The following OR51A4 variants were observed in gnomAD, a reference collection of about 807,000 sequenced individuals.
The protein encoded by OR51A4 is olfactory receptor family 51 subfamily A member 4.
For synonymous variants in OR51A4, 96 were observed against 141.5 expected, an observed-to-expected ratio of 0.68 and a Z score of 2.28; for missense variants, 243 against 364.0, an observed-to-expected ratio of 0.67 and a Z score of 2.70.
In OR51A4 at chr11:4,946,498, G is replaced by T. The variant is rs1302895410; in HGVS notation, c.603C>A (p.Gly201=). Residue 201 remains glycine (G), a synonymous_variant, in exon 2 of 2, where the codon GGC becomes GGA. Transcript: ENST00000641898. Reference sequence around the variant, plus strand: ...CCATAAGGCAGAGTGCTCCAAAAAAGCCATAGATAACATCAATTCTGTTGT... The same window carrying T: ...CCATAAGGCAGAGTGCTCCAAAAAATCCATAGATAACATCAATTCTGTTGT... ...CSDNRIDVIY[G]FFGALCLMVD... is the part of the protein sequence containing the mutation. 6.2e-7 allele frequency: 1 copy of T among 1,610,440 alleles called. No homozygotes were observed. The highest frequency in any genetic ancestry group is 1.3e-5 in the African/African-American group (1 of 74,506).
chr11:4,946,657 T>C lies in OR51A4; in HGVS notation c.444A>G (p.Ile148Met). ...GGAGCATGCTCTTAAAGGAGAATAC[T>C]ATCCCTATTTGGGCAACTCTGACAG... The part of the protein sequence containing the change: ...LTTVRVAQIG[I>M]VFSFKSMLLV... The change falls in exon 2 of 2, where the codon ATA (isoleucine) becomes ATG (methionine). Residue 148 changes from isoleucine to methionine, a missense_variant. Physicochemically the swap from Ile to Met is conservative, Grantham distance 10. Coordinates refer to ENST00000641898, the MANE Select transcript of OR51A4 (RefSeq NM_001005329.2). The C allele has an allele frequency of 1.3e-6, 2 of 1,591,454 alleles. No individual in the cohort carries two copies. Among genetic ancestry groups the C allele is most frequent in the South Asian group, 1.1e-5 (1 of 90,540 alleles).
rs1433168026 is a variant in OR51A4 at position 4,945,446 on chromosome 11, C to T, written c.*713G>A. On this transcript the variant is annotated 3_prime_UTR_variant, in exon 2 of 2. Transcript: ENST00000641898. ...GCCATGTAGGGTCTTAGAATATGTT[C>T]CTTATTGATTTAACTGTATTTCTAA... The T allele has an allele frequency of 2.0e-5, 3 of 152,512 alleles. No individual in the cohort carries two copies. Among genetic ancestry groups the T allele is most frequent in the African/African-American group, 7.2e-5 (3 of 41,400 alleles). The allele number at this position is 152,512 out of a possible 1,614,324, so 9.4% of individuals were successfully genotyped here. A position where few individuals can be genotyped will look rare whatever the true frequency, so the allele number is the denominator to read the frequency against.
chr11:4,946,685 G>A lies in OR51A4; in HGVS notation c.416C>T (p.Thr139Ile), dbSNP rs1346118868. 6.3e-7 allele frequency: 1 copy of A among 1,591,762 alleles called. No homozygotes were observed. The change falls in exon 2 of 2, where the codon ACA becomes ATA. Residue 139 changes from threonine to isoleucine, a missense_variant. By Grantham distance (89) the Thr-to-Ile change is moderately conservative. Transcript: ENST00000641898. Reference protein sequence around the residue: ...HNPLRYTSILTTVRVAQIGIV... With the variant: ...HNPLRYTSILITVRVAQIGIV... ...CCCTATTTGGGCAACTCTGACAGTTGTCAGGATTGAGGTGTATCTCAGAGG... is the reference window on the plus strand; with the variant it reads ...CCCTATTTGGGCAACTCTGACAGTTATCAGGATTGAGGTGTATCTCAGAGG...
rs1486054623 is a variant in OR51A4, at chr11:4,944,839, A to T, written c.*1320T>A. ...TGATATGCCTATATTTGAAATAGACAATTTAAAAAACTTGTATCCTACCTT... is the reference window on the plus strand; with the variant it reads ...TGATATGCCTATATTTGAAATAGACTATTTAAAAAACTTGTATCCTACCTT... On this transcript the variant is annotated 3_prime_UTR_variant, in exon 2 of 2. Transcript: ENST00000641898. The T allele has an allele frequency of 6.6e-6, 1 of 152,124 alleles. No homozygotes were observed. The highest frequency in any genetic ancestry group is 1.5e-5 in the Non-Finnish European group (1 of 67,990). 9.4% of individuals were successfully genotyped at this position (152,124 alleles called of 1,614,324 possible).
Position 4,943,397 on chromosome 11 carries a change from C to A in OR51A4, c.*2762G>T, listed in dbSNP as rs2595993. ...GAGGAACTTCTCTGGTATCAGATTG[C>A]CCCTAGGTGCTGTGTAGGTGAGCTC... On this transcript the variant is annotated 3_prime_UTR_variant, in exon 2 of 2. Coordinates refer to ENST00000641898, the MANE Select transcript of OR51A4 (RefSeq NM_001005329.2). 204,543 of 433,080 alleles carry A rather than the reference C, an allele frequency of 0.47. 49,570 individuals are homozygous for A. Among genetic ancestry groups the A allele is most frequent in the East Asian group, 0.57 (7,960 of 13,992 alleles). The allele number at this position is 433,080 out of a possible 1,614,324, so 26.8% of individuals were successfully genotyped here. A position where few individuals can be genotyped will look rare whatever the true frequency, so the allele number is the denominator to read the frequency against.
At position 4,944,994 on chromosome 11, in the gene OR51A4, A is replaced by G. The variant is rs1006562806; in HGVS notation, c.*1165T>C. The G allele has an allele frequency of 3.3e-5, 5 of 152,144 alleles. No individual in the cohort carries two copies. The highest frequency in any genetic ancestry group is 1.2e-4 in the African/African-American group (5 of 41,464). The allele number at this position is 152,144 out of a possible 1,614,324, so 9.4% of individuals were successfully genotyped here. On this transcript the variant is annotated 3_prime_UTR_variant, in exon 2 of 2. Transcript: ENST00000641898. ...AGAAGTGTCCTAGACATTAGGCAGG[A>G]AAAAATAAGAAAATAGATAGGTCTC...
In OR51A4 at chr11:4,945,029, T is replaced by C. The variant is rs561542538; in HGVS notation, c.*1130A>G. 1 of 152,146 alleles carries C rather than the reference T, an allele frequency of 6.6e-6. No homozygotes were observed. The highest frequency in any genetic ancestry group is 1.5e-5 in the Non-Finnish European group (1 of 67,990). 9.4% of individuals were successfully genotyped at this position (152,146 alleles called of 1,614,324 possible). On this transcript the variant is annotated 3_prime_UTR_variant, in exon 2 of 2. Coordinates refer to ENST00000641898, the MANE Select transcript of OR51A4 (RefSeq NM_001005329.2). ...AAAATAGATAGGTCTCTTCAATCAC[T>C]TATAGTACACTTTATTCAAGAAGAA...
chr11:4,946,380 T>C lies in OR51A4; in HGVS notation c.721A>G (p.Thr241Ala). 1 of 1,613,612 alleles carries C rather than the reference T, an allele frequency of 6.2e-7. No individual in the cohort carries two copies. Among genetic ancestry groups the C allele is most frequent in the Non-Finnish European group, 8.5e-7 (1 of 1,179,864 alleles). The change falls in exon 2 of 2, where the codon ACT (threonine) becomes GCT (alanine). Residue 241 changes from threonine (T) to alanine (A), a missense_variant. By Grantham distance (58) the Thr-to-Ala change is moderately conservative (BLOSUM62 0). Transcript: ENST00000641898. ...ACTGCACAGATGTGTGAAACACAAG[T>C]ATTGAGAGCCTTAAGCTGCTCCTTT... is the stretch of plus-strand genomic sequence containing the variant. ...SKKEQLKALN[T>A]CVSHICAVII...
At position 4,943,714 on chromosome 11, in the gene OR51A4, C is replaced by T. The variant is rs577032000; in HGVS notation, c.*2445G>A. 1.4e-5 allele frequency: 5 copies of T among 351,368 alleles called. No homozygotes were observed. The highest frequency in any genetic ancestry group is 1.1e-4 in the South Asian group (5 of 44,050). The allele number at this position is 351,368 out of a possible 1,614,324, so 21.8% of individuals were successfully genotyped here. ...GTTGAGAACCACTGTTTAAGGAGCC[C>T]CAGAGTTGAGATTTTAATCCTCCAA... On this transcript the variant is annotated 3_prime_UTR_variant, in exon 2 of 2. Transcript: ENST00000641898.
Position 4,943,608 on chromosome 11 carries a change from C to A in OR51A4, c.*2551G>T, listed in dbSNP as rs953568126. ...GCCTCTAATCAGTGGAAGTCAGTGA[C>A]ACACCCACACCCCCAGGTTGCAACA... On this transcript the variant is annotated 3_prime_UTR_variant, in exon 2 of 2. Transcript: ENST00000641898. The A allele has an allele frequency of 7.8e-6, 3 of 384,832 alleles. No homozygotes were observed. Among genetic ancestry groups the A allele is most frequent in the Non-Finnish European group, 1.0e-5 (2 of 192,598 alleles). The allele number at this position is 384,832 out of a possible 1,614,324, so 23.8% of individuals were successfully genotyped here.
Position 4,943,732 on chromosome 11 carries a change from T to G in OR51A4, c.*2427A>C. The G allele has an allele frequency of 2.8e-6, 1 of 356,388 alleles. No homozygotes were observed. Among genetic ancestry groups the G allele is most frequent in the South Asian group, 2.2e-5 (1 of 44,828 alleles). The allele number at this position is 356,388 out of a possible 1,614,324, so 22.1% of individuals were successfully genotyped here. Reference sequence around the variant, plus strand: ...AGGAGCCCCAGAGTTGAGATTTTAATCCTCCAAAAACTACATTCTTCATTT... The same window carrying G: ...AGGAGCCCCAGAGTTGAGATTTTAAGCCTCCAAAAACTACATTCTTCATTT... On this transcript the variant is annotated 3_prime_UTR_variant, in exon 2 of 2. Coordinates refer to ENST00000641898, the MANE Select transcript of OR51A4 (RefSeq NM_001005329.2).
Position 4,943,503 on chromosome 11 carries a change from C to T in OR51A4, c.*2656G>A, listed in dbSNP as rs1347261846. ...AGACTAAGGTTTTTTTAATGCTTGG[C>T]ACCACTGACATTTTGTGCTAGATAA... is the stretch of plus-strand genomic sequence containing the variant. On this transcript the variant is annotated 3_prime_UTR_variant, in exon 2 of 2. Transcript: ENST00000641898. The T allele has an allele frequency of 2.2e-6, 1 of 456,050 alleles. No individual in the cohort carries two copies. The highest frequency in any genetic ancestry group is 4.4e-6 in the Non-Finnish European group (1 of 226,582). The allele number at this position is 456,050 out of a possible 1,614,324, so 28.3% of individuals were successfully genotyped here.
Position 4,946,476 on chromosome 11 carries a change from T to C in OR51A4, c.625A>G (p.Met209Val), listed in dbSNP as rs1343949177. The C allele has an allele frequency of 5.6e-6, 9 of 1,610,380 alleles. No individual in the cohort carries two copies. In the East Asian group the frequency reaches 1.8e-4, roughly 32 times the overall value. Reference sequence around the variant, plus strand: ...ACAGCAATGAGAATAAAGTCTACCATAAGGCAGAGTGCTCCAAAAAAGCCA... The same window carrying C: ...ACAGCAATGAGAATAAAGTCTACCACAAGGCAGAGTGCTCCAAAAAAGCCA... ...IYGFFGALCL[M>V]VDFILIAVSY... is the part of the protein sequence containing the mutation. Residue 209 changes from methionine (M) to valine (V), a missense_variant, in exon 2 of 2, where the codon ATG (methionine) becomes GTG (valine). Transcript: ENST00000641898.
chr11:4,943,436 T>C lies in OR51A4; in HGVS notation c.*2723A>G, dbSNP rs1343745773. The C allele has an allele frequency of 2.2e-6, 1 of 455,878 alleles. No homozygotes were observed. Among genetic ancestry groups the C allele is most frequent in the Admixed American group, 2.4e-5 (1 of 42,544 alleles). 28.2% of individuals were successfully genotyped at this position (455,878 alleles called of 1,614,324 possible). On this transcript the variant is annotated 3_prime_UTR_variant, in exon 2 of 2. Coordinates refer to ENST00000641898, the MANE Select transcript of OR51A4 (RefSeq NM_001005329.2). Reference sequence around the variant, plus strand: ...GTAGGTGAGCTCAAGGTAATTTGTTTAACCATGGGGCTTAATCATTTGTTA... The same window carrying C: ...GTAGGTGAGCTCAAGGTAATTTGTTCAACCATGGGGCTTAATCATTTGTTA...
chr11:4,946,322 GC>G lies in OR51A4; in HGVS notation c.778del (p.Ala260ProfsTer28), dbSNP rs757286693. 9.0e-5 allele frequency: 146 copies of G among 1,613,778 alleles called. No individual in the cohort carries two copies. Among genetic ancestry groups the G allele is most frequent in the Non-Finnish European group, 1.4e-5 (17 of 1,179,998 alleles). On this transcript the variant is annotated frameshift_variant, in exon 2 of 2. Transcript: ENST00000641898. LOFTEE classifies it low-confidence loss of function (END_TRUNC). ...IIFYLPIINL[A>X]VVHRFARHVS... ...ATGCCGGGCAAAGCGGTGGACAACG[GC>G]CAGGTTGATGATGGGCAGGTAGAAG... is the stretch of plus-strand genomic sequence containing the variant.
rs1300185562 is a variant in OR51A4, at chr11:4,943,935, G to A, written c.*2224C>T. Reference sequence around the variant, plus strand: ...TATGTACAATATCCTGAAAGAATAAGATGCTATTAAAGCCACCTAATTACT... The same window carrying A: ...TATGTACAATATCCTGAAAGAATAAAATGCTATTAAAGCCACCTAATTACT... On this transcript the variant is annotated 3_prime_UTR_variant, in exon 2 of 2. Coordinates refer to ENST00000641898, the MANE Select transcript of OR51A4 (RefSeq NM_001005329.2). 1 of 417,858 alleles carries A rather than the reference G, an allele frequency of 2.4e-6. No individual in the cohort carries two copies. The highest frequency in any genetic ancestry group is 2.1e-5 in the African/African-American group (1 of 48,192). The allele number at this position is 417,858 out of a possible 1,614,324, so 25.9% of individuals were successfully genotyped here.
In OR51A4 at chr11:4,944,220, C is replaced by T. The variant is rs16907608; in HGVS notation, c.*1939G>A. The T allele has an allele frequency of 6.6e-3, 2,569 of 387,802 alleles. 51 individuals carry two copies. Among genetic ancestry groups the T allele is most frequent in the African/African-American group, 0.047 (2,191 of 46,710 alleles). 24.0% of individuals were successfully genotyped at this position (387,802 alleles called of 1,614,324 possible). ...ACTAGGATAGGTTTGTGAAAACATA[C>T]GTAGTCCTGAATTTAAAAACTAAAA... On this transcript the variant is annotated 3_prime_UTR_variant, in exon 2 of 2. Coordinates refer to ENST00000641898, the MANE Select transcript of OR51A4 (RefSeq NM_001005329.2).
In OR51A4 at chr11:4,946,062, A is replaced by G; in HGVS notation, c.*97T>C. 1 of 1,127,446 alleles carries G rather than the reference A, an allele frequency of 8.9e-7. No individual in the cohort carries two copies. Among genetic ancestry groups the G allele is most frequent in the Non-Finnish European group, 1.3e-6 (1 of 765,032 alleles). 69.8% of individuals were successfully genotyped at this position (1,127,446 alleles called of 1,614,324 possible). A position where few individuals can be genotyped will look rare whatever the true frequency, so the allele number is the denominator to read the frequency against. ...AAATAACTCTATGACAACAACAAAA[A>G]TATGTGTTGATAATTCTTGGTGTCA... On this transcript the variant is annotated 3_prime_UTR_variant, in exon 2 of 2. Coordinates refer to ENST00000641898, the MANE Select transcript of OR51A4 (RefSeq NM_001005329.2).
At position 4,946,000 on chromosome 11, in the gene OR51A4, A is replaced by C; in HGVS notation, c.*159T>G. 1.4e-6 allele frequency: 1 copy of C among 698,780 alleles called. No individual in the cohort carries two copies. The highest frequency in any genetic ancestry group is 1.9e-5 in the South Asian group (1 of 52,536). 43.3% of individuals were successfully genotyped at this position (698,780 alleles called of 1,614,324 possible). A position where few individuals can be genotyped will look rare whatever the true frequency, so the allele number is the denominator to read the frequency against. Reference sequence around the variant, plus strand: ...ACATAAGGCAACGTACTTCCTGTTTATAGTTCTATTCTCATTCGCAGTATC... The same window carrying C: ...ACATAAGGCAACGTACTTCCTGTTTCTAGTTCTATTCTCATTCGCAGTATC... On this transcript the variant is annotated 3_prime_UTR_variant, in exon 2 of 2. Coordinates refer to ENST00000641898, the MANE Select transcript of OR51A4 (RefSeq NM_001005329.2).
Sources: gnomAD v4.1 joint callset for allele counts on GRCh38, gnomAD v4.1.1 for gene constraint, MANE v1.5 for transcripts, NCBI Gene and HGNC (gene_info 2026-07-23, HGNC 2026-07-21) for gene names.